CSMD1: variants seen among roughly 807,000 people sequenced by gnomAD.
CSMD1 encodes the protein CUB and sushi domain-containing protein 1.
A neutral mutation model predicts 417.5 loss-of-function variants in CSMD1; 213 were observed. That is an observed-to-expected ratio of 0.51 (90% CI 0.46 to 0.57). CSMD1 has a LOEUF of 0.57. Among genes scored for constraint, CSMD1 ranks in the 20% least tolerant of loss-of-function variants. The probability of loss-of-function intolerance (pLI) is 0.00; values close to 1 mark genes in which losing one functional copy is unlikely to be tolerated. For synonymous variants in CSMD1, 2,862 were observed against 1,736.8 expected, an observed-to-expected ratio of 1.65 and a Z score of -16.11; for missense variants, 6,923 against 4,529.7, an observed-to-expected ratio of 1.53 and a Z score of -15.17.
At chr8:4,202,830 G>T (rs546419014) in intron 3 of CSMD1, among the ~76,000 whole-genome samples, 1 of 152,328 alleles carries the variant, frequency 6.6e-6, no homozygotes, top group East Asian at 1.9e-4. Flanking sequence ...AGAGGGCAGT[G>T]AAGCTGAAAC....
At chr8:4,297,237 ATAAT>A (rs1381055202) in intron 3 of CSMD1, among the ~76,000 whole-genome samples, 3 of 152,194 alleles carry the variant, frequency 2.0e-5, no homozygotes, top group African/African-American at 4.8e-5. Flanking sequence ...ACATTTAGAA[ATAAT>A]TAAATATAGA....
chr8:3,849,065 A>G (rs1212745347), intron 5 of CSMD1, among the ~76,000 whole-genome samples: 2 of 152,102 alleles, frequency 1.3e-5, no homozygotes, highest in African/African-American at 2.4e-5. Context: ...GGCCCTCAAT[A>G]TACAAGATTC....
chr8:4,108,031 G>C (rs1801656931), intron 3 of CSMD1, among the ~76,000 whole-genome samples: 1 of 151,828 alleles, frequency 6.6e-6, no homozygotes, highest in African/African-American at 2.4e-5. Context: ...AGGGGAGAGA[G>C]AGAGAGAGAA....
chr8:3,245,217 T>G (rs918673239), intron 26 of CSMD1, among the ~76,000 whole-genome samples: 6 of 152,186 alleles, frequency 3.9e-5, no homozygotes, highest in Non-Finnish European at 8.8e-5. Context: ...CCTTAGTAGT[T>G]GTCCTTGAGT....
chr8:4,016,798 C>A (rs1179595155), intron 4 of CSMD1, among the ~76,000 whole-genome samples: 2 of 152,198 alleles, frequency 1.3e-5, no homozygotes, highest in East Asian at 1.9e-4. Context: ...TTTTTTTGGT[C>A]GTTGTTTTAT....
At chr8:4,933,403 G>A (rs1051480250) in intron 1 of CSMD1, among the ~76,000 whole-genome samples, 5 of 151,948 alleles carry the variant, frequency 3.3e-5, no homozygotes, top group African/African-American at 1.2e-4. Flanking sequence ...GACCTTATGG[G>A]GAAAAAAGTC....
intron 3 of CSMD1, among the ~76,000 whole-genome samples, chr8:4,199,791 T>G (rs950465492): frequency 6.6e-6 from 1 of 152,150 alleles, no homozygotes; most frequent in Non-Finnish European, 1.5e-5. Context: ...GCTGTTTAGA[T>G]AGAAAATCGG....
At chr8:4,102,165 G>A (rs1801338549) in intron 3 of CSMD1, among the ~76,000 whole-genome samples, 2 of 152,228 alleles carry the variant, frequency 1.3e-5, no homozygotes, top group African/African-American at 2.4e-5. Flanking sequence ...ATGACTTACT[G>A]GTTTTGTTTT....
chr8:3,244,758 A>G (rs1217080972), intron 26 of CSMD1, among the ~76,000 whole-genome samples: 1 of 152,194 alleles, frequency 6.6e-6, no homozygotes, highest in Non-Finnish European at 1.5e-5. Context: ...AGGGATATAA[A>G]GTAATAAGCG....
At chr8:3,846,157 T>C (rs1444614181) in intron 5 of CSMD1, among the ~76,000 whole-genome samples, 3 of 152,178 alleles carry the variant, frequency 2.0e-5, no homozygotes, top group African/African-American at 7.2e-5. Context: ...GGATCAAGCA[T>C]TATGCATGGT....
chr8:3,251,645 T>G (rs898263664), intron 26 of CSMD1, among the ~76,000 whole-genome samples: 1 of 152,192 alleles, frequency 6.6e-6, no homozygotes, highest in Non-Finnish European at 1.5e-5. Flanking sequence ...ATCTATCAAT[T>G]ACCTTGGGCA....
intron 1 of CSMD1, among the ~76,000 whole-genome samples, chr8:4,960,435 C>T (rs1190467191): frequency 6.6e-6 from 1 of 152,164 alleles, no homozygotes; most frequent in Non-Finnish European, 1.5e-5. Flanking sequence ...TTGAAAACTA[C>T]TTTCACCTGG....
intron 10 of CSMD1, among the ~76,000 whole-genome samples, chr8:3,572,465 C>T (rs775058501): frequency 6.6e-6 from 1 of 152,036 alleles, no homozygotes; most frequent in Non-Finnish European, 1.5e-5. Flanking sequence ...TCCTGCCCAG[C>T]GTTTCTAATT....
chr8:3,732,570 T>C (rs1026852), intron 6 of CSMD1, among the ~76,000 whole-genome samples: 3 of 151,974 alleles, frequency 2.0e-5, no homozygotes, highest in East Asian at 1.9e-4. Context: ...ACCCTGACTT[T>C]ATGCCCAGGC....
chr8:3,745,323 G>C (rs1201842388), intron 6 of CSMD1, among the ~76,000 whole-genome samples: 1 of 152,182 alleles, frequency 6.6e-6, no homozygotes, highest in Non-Finnish European at 1.5e-5. Flanking sequence ...CAAGAACCTG[G>C]TTGGAATCTC....
chr8:4,608,410 A>G (rs956559490), intron 2 of CSMD1, among the ~76,000 whole-genome samples: 3 of 152,178 alleles, frequency 2.0e-5, no homozygotes, highest in African/African-American at 7.2e-5. Flanking sequence ...TGCTTTCTCA[A>G]TCTATCTTGA....
intron 2 of CSMD1, among the ~76,000 whole-genome samples, chr8:4,608,307 G>A (rs1800990044): frequency 6.6e-6 from 1 of 152,214 alleles, no homozygotes; most frequent in Admixed American, 6.5e-5. Flanking sequence ...GGCAAAGTGG[G>A]GAGATGGGTG....
intron 3 of CSMD1, among the ~76,000 whole-genome samples, chr8:4,257,856 G>T (rs571551530): frequency 1.3e-5 from 2 of 152,182 alleles, no homozygotes; most frequent in East Asian, 3.9e-4. Context: ...TCATTATTCA[G>T]CTACAGCGTA....
At chr8:3,819,424 G>T (rs948089413) in intron 5 of CSMD1, among the ~76,000 whole-genome samples, 7 of 151,916 alleles carry the variant, frequency 4.6e-5, no homozygotes, top group African/African-American at 1.5e-4. Context: ...TATCAACAAG[G>T]TAAAGAAAGT....
Sources: allele counts gnomAD v4.1 joint callset (sites outside exome capture counted in the v4.1 genomes callset), GRCh38; gene constraint gnomAD v4.1.1; transcripts MANE v1.5; gene names NCBI Gene and HGNC (gene_info 2026-07-23, HGNC 2026-07-21).